Variants in NPHP4 observed in about 807,000 individuals in gnomAD.
The protein encoded by NPHP4 is nephrocystin-4.
NPHP4 carries 151 observed loss-of-function variants against 155.8 expected under a neutral mutation model. The observed-to-expected ratio is 0.97, with a 90% CI of 0.85 to 1.11. The LOEUF (loss-of-function observed/expected upper bound fraction) is 1.11. Ranked by LOEUF, NPHP4 falls within the 50% of genes least tolerant of loss-of-function variation. The pLI is 0.00. For synonymous variants in NPHP4, 845 were observed against 816.8 expected (o/e 1.03, Z -0.59); for missense variants, 1,956 against 1,925.7 (o/e 1.02, Z -0.29).
intron 16 of NPHP4, among the ~76,000 whole-genome samples, chr1:5,895,855 G>A (rs1644368979): frequency 6.6e-6 from 1 of 152,230 alleles, no homozygotes. Flanking sequence ...GGCTACCGTA[G>A]AAACGGGCAC....
chr1:5,869,404 GAGA>G (rs1330011949), intron 23 of NPHP4, among the ~76,000 whole-genome samples: 12 of 152,310 alleles, frequency 7.9e-5, no homozygotes, highest in African/African-American at 2.2e-4. Context: ...TGCACACACT[GAGA>G]AGGAGAGAGT....
At chr1:5,952,930 G>T (rs1648456267) in intron 6 of NPHP4, 94 bp from the exon 7 acceptor site, 4 of 1,243,838 alleles carry the variant, frequency 3.2e-6, no homozygotes, top group South Asian at 1.5e-5. Flanking sequence ...CCTCAGCCGG[G>T]GCCTGCAGCA....
intron 2 of NPHP4, among the ~76,000 whole-genome samples, chr1:5,980,027 C>T (rs942634835): frequency 6.6e-6 from 1 of 152,114 alleles, no homozygotes; most frequent in Admixed American, 6.5e-5. Context: ...CTGCCATGGT[C>T]TCTCAGGGTC....
intron 7 of NPHP4, 91 bp downstream of exon 7, chr1:5,952,609 C>G: frequency 4.0e-6 from 1 of 251,572 alleles, no homozygotes; most frequent in Non-Finnish European, 8.0e-6. Context: ...GCCCCACCCA[C>G]CCCTACCCTG....
intron 6 of NPHP4, among the ~76,000 whole-genome samples, chr1:5,957,284 G>C (rs182163144): frequency 2.6e-5 from 4 of 152,298 alleles, no homozygotes; most frequent in Admixed American, 6.5e-5. Context: ...AGAGAAAACA[G>C]GGATTGCCAG....
At position 5,880,440 on chromosome 1, in the gene NPHP4, T is replaced by A. The variant is rs754329467; in HGVS notation, c.2486-201A>T. On this transcript the variant is annotated intron_variant, in intron 18 of 29. Transcript: ENST00000378156. ...GTTCTGCTGCGAACTTTCAGCTAGGTCTTCATTCTCCTGCCGTGTCAGTGG... is the reference window on the plus strand; with the variant it reads ...GTTCTGCTGCGAACTTTCAGCTAGGACTTCATTCTCCTGCCGTGTCAGTGG... The A allele has an allele frequency of 5.1e-4, 289 of 566,198 alleles. 1 individual carries two copies. Among genetic ancestry groups the A allele is most frequent in the Non-Finnish European group, 5.6e-4 (176 of 317,048 alleles). 35.1% of individuals were successfully genotyped at this position (566,198 alleles called of 1,614,324 possible). A position where few individuals can be genotyped will look rare whatever the true frequency, so the allele number is the denominator to read the frequency against.
chr1:5,903,463 A>G (rs1644769633), intron 16 of NPHP4, among the ~76,000 whole-genome samples: 1 of 152,186 alleles, frequency 6.6e-6, no homozygotes, highest in Non-Finnish European at 1.5e-5. Flanking sequence ...GAGAGGCGGC[A>G]GTGTTTCAGA....
chr1:5,905,431 A>G lies in NPHP4; in HGVS notation c.1816T>C (p.Phe606Leu), dbSNP rs779132051. The change falls in exon 15 of 30, where the codon TTT (phenylalanine) becomes CTT (leucine). Residue 606 changes from phenylalanine to leucine, a missense_variant. Coordinates refer to ENST00000378156, the MANE Select transcript of NPHP4 (RefSeq NM_015102.5). This position sits in a 1 kb window ranked among gnomAD's most constrained non-coding sequence, Gnocchi z 4.0. ...TTATTGGCATCCAGAATCTCGGGAA[A>G]GCCGGAGGACTGCAGGAGCACCATG... ...ASMVLLQSSG[F>L]PEILDANKQP... 4.3e-6 allele frequency: 7 copies of G among 1,612,000 alleles called. No individual in the cohort carries two copies. The highest frequency in any genetic ancestry group is 5.1e-6 in the Non-Finnish European group (6 of 1,178,312).
intron 12 of NPHP4, 45 bp from the exon 13 acceptor site, chr1:5,907,267 G>T: frequency 1.5e-6 from 2 of 1,306,496 alleles, no homozygotes; most frequent in Non-Finnish European, 1.1e-6. Context: ...AAGCTTGCCA[G>T]TCCGTCCACA....
At chr1:5,924,154 G>A (rs1051210567) in intron 11 of NPHP4, among the ~76,000 whole-genome samples, 3 of 152,156 alleles carry the variant, frequency 2.0e-5, no homozygotes, top group African/African-American at 4.8e-5. Context: ...AGAACTTGAA[G>A]TGAACTTGAA....
At chr1:5,869,841 A>G (rs1379222713) in intron 23 of NPHP4, among the ~76,000 whole-genome samples, 2 of 152,242 alleles carry the variant, frequency 1.3e-5, no homozygotes, top group African/African-American at 4.8e-5. Flanking sequence ...ATGAGCAGAA[A>G]TGAGAATTAC....
chr1:5,984,344 C>T (rs1442954857), intron 2 of NPHP4, among the ~76,000 whole-genome samples: 1 of 151,930 alleles, frequency 6.6e-6, no homozygotes, highest in East Asian at 1.9e-4. Context: ...ACCAGCCTGG[C>T]CAACATGGTG....
chr1:5,912,537 CAAAAAAAAAA>C (rs752371714), intron 11 of NPHP4, among the ~76,000 whole-genome samples: 1 of 77,902 alleles, frequency 1.3e-5, no homozygotes, highest in Non-Finnish European at 2.9e-5. Context: ...GACTCCGTCT[CAAAAAAAAAA>C]AAAAAAAAGA....
chr1:5,945,427 G>A (rs1486420587), intron 9 of NPHP4, among the ~76,000 whole-genome samples: 1 of 152,244 alleles, frequency 6.6e-6, no homozygotes, highest in East Asian at 1.9e-4. Flanking sequence ...AACTGGAACA[G>A]TTTCATTAAA....
At chr1:5,935,382 C>T (rs949041260) in intron 9 of NPHP4, among the ~76,000 whole-genome samples, 1 of 152,182 alleles carries the variant, frequency 6.6e-6, no homozygotes, top group Non-Finnish European at 1.5e-5. Flanking sequence ...TGAGAAAACA[C>T]CCACACCATG....
rs766434845 is a variant in NPHP4, at chr1:5,880,223, C to G, written c.2502G>C (p.Gln834His). Reference protein sequence around the residue: ...TLANVGHPCEQKVRGCSTLPP... With the variant: ...TLANVGHPCEHKVRGCSTLPP... ...GCAATGTGCTACAACCTCTCACTTT[C>G]TGTTCACACGGGTGACCTACATGAA... The change falls in exon 19 of 30, where the codon CAG becomes CAC. Residue 834 changes from glutamine to histidine, a missense_variant. Gln to His is a conservative substitution (Grantham distance 24). Transcript: ENST00000378156. 2 of 1,613,690 alleles carry G rather than the reference C, an allele frequency of 1.2e-6. No homozygotes were observed. Among genetic ancestry groups the G allele is most frequent in the Admixed American group, 3.3e-5 (2 of 59,984 alleles).
Position 5,863,136 on chromosome 1 carries a change from G to GTGCACAGGTCAGCCAGGTGGGCACTGA in NPHP4, c.*102_*128dup. 2.1e-6 allele frequency: 2 copies of GTGCACAGGTCAGCCAGGTGGGCACTGA among 974,680 alleles called. No individual in the cohort carries two copies. Among genetic ancestry groups the GTGCACAGGTCAGCCAGGTGGGCACTGA allele is most frequent in the Non-Finnish European group, 3.3e-6 (2 of 613,026 alleles). The allele number at this position is 974,680 out of a possible 1,614,324, so 60.4% of individuals were successfully genotyped here. On this transcript the variant is annotated 3_prime_UTR_variant, in exon 30 of 30. Transcript: ENST00000378156. ...GCTCGGTCTCTGCTTCCTCAGCCAA[G>GTGCACAGGTCAGCCAGGTGGGCACTGA]TGCACAGGTCAGCCAGGTGGGCACT...
intron 5 of NPHP4, among the ~76,000 whole-genome samples, chr1:5,966,689 C>T (rs896619566): frequency 1.8e-4 from 28 of 152,182 alleles, no homozygotes; most frequent in African/African-American, 6.3e-4. Flanking sequence ...CACACTCCCC[C>T]AACTGCTAGG....
In NPHP4 at chr1:5,944,075, A is replaced by G. The variant is rs938599725; in HGVS notation, c.1119+3029T>C. The stretch of plus-strand genomic sequence containing the variant: ...AATGTTCATGCCAAAAGGTTTACAG[A>G]TGAAATAAAATGATGCCTGGAATTT... On this transcript the variant is annotated intron_variant, in intron 9 of 29. Transcript: ENST00000378156. The surrounding 1 kb of genome is among the most constrained non-coding windows in gnomAD (Gnocchi z 4.3). Among the ~76,000 whole-genome samples the G allele has an allele frequency of 1.3e-5, 2 of 152,240 alleles. No individual in the cohort carries two copies. The highest frequency in any genetic ancestry group is 4.8e-5 in the African/African-American group (2 of 41,458).
Sources: gnomAD v4.1 joint callset for allele counts (sites outside exome capture counted in the v4.1 genomes callset) on GRCh38, gnomAD v4.1.1 for gene constraint, Gnocchi (gnomAD v3.1) non-coding constraint, MANE v1.5 for transcripts, NCBI Gene and HGNC (gene_info 2026-07-23, HGNC 2026-07-21) for gene names.